Variants in CGNL1 observed in about 807,000 individuals in gnomAD.
CGNL1 encodes cingulin like 1.
Under a neutral mutation model 141.2 loss-of-function variants are expected in CGNL1, and 132 were observed. The observed-to-expected ratio is 0.93, with a 90% CI of 0.81 to 1.08. The LOEUF (loss-of-function observed/expected upper bound fraction) is 1.08, where lower values mean the gene tolerates loss of function less well. CGNL1 is among the 50% of genes least tolerant of loss of function. The pLI is 0.00. For missense variants in CGNL1, 1,870 were observed against 1,588.6 expected, an observed-to-expected ratio of 1.18 and a Z score of -3.01; for synonymous variants, 690 against 622.1, an observed-to-expected ratio of 1.11 and a Z score of -1.63.
At chr15:57,430,499 A>C (rs1312965839) in intron 1 of CGNL1, among the ~76,000 whole-genome samples, 2 of 152,246 alleles carry the variant, frequency 1.3e-5, no homozygotes, top group Non-Finnish European at 2.9e-5. Flanking sequence ...ATACAAATTA[A>C]AAAGTAAAAG....
At chr15:57,474,325 A>G (rs2063623922) in intron 8 of CGNL1, among the ~76,000 whole-genome samples, 1 of 152,170 alleles carries the variant, frequency 6.6e-6, no homozygotes, top group African/African-American at 2.4e-5. Flanking sequence ...CTGATAGAAC[A>G]TTTTGACAAA....
At chr15:57,538,235 C>G (rs2032371109) in intron 14 of CGNL1, among the ~76,000 whole-genome samples, 1 of 152,198 alleles carries the variant, frequency 6.6e-6, no homozygotes, top group South Asian at 2.1e-4. Flanking sequence ...GGTGGATTTA[C>G]TTTAGAATTT....
At chr15:57,461,326 G>A (rs2063443181) in intron 7 of CGNL1, among the ~76,000 whole-genome samples, 1 of 152,166 alleles carries the variant, frequency 6.6e-6, no homozygotes, top group African/African-American at 2.4e-5. Context: ...TGAAGCAACA[G>A]CACACACAGG....
intron 1 of CGNL1, among the ~76,000 whole-genome samples, chr15:57,388,815 A>C (rs535989672): frequency 2.0e-5 from 3 of 152,196 alleles, no homozygotes; most frequent in African/African-American, 7.2e-5. Flanking sequence ...TTTTATTTAG[A>C]CTTCCAAAAG....
intron 1 of CGNL1, among the ~76,000 whole-genome samples, chr15:57,391,686 A>C (rs1442767885): frequency 6.6e-6 from 1 of 152,254 alleles, no homozygotes; most frequent in Non-Finnish European, 1.5e-5. Flanking sequence ...TTGTTACCTC[A>C]TGTAAACAAG....
intron 8 of CGNL1, among the ~76,000 whole-genome samples, chr15:57,514,259 C>T (rs1483478213): frequency 3.3e-5 from 5 of 152,114 alleles, no homozygotes; most frequent in African/African-American, 1.2e-4. Context: ...TCAAACAATT[C>T]TCTCGCCTCA....
At chr15:57,540,463 G>A (rs528778074) in intron 14 of CGNL1, among the ~76,000 whole-genome samples, 115 of 152,254 alleles carry the variant, frequency 7.6e-4, no homozygotes, top group Non-Finnish European at 1.3e-3. Context: ...GGAAAGACCC[G>A]CCCCCGTGAT....
chr15:57,438,293 T>C lies in CGNL1; in HGVS notation c.294T>C (p.Ser98=). ...ATGGTTCTGTGCCAAAGGAGAACAG[T>C]GAAGAACTTCAGCTTCCAGAAAACC... ...SSNGSVPKEN[S]EELQLPENPY... is the part of the protein sequence containing the mutation. Residue 98 remains serine (S), a synonymous_variant, in exon 2 of 19, where the codon AGT becomes AGC. Transcript: ENST00000281282. 6.2e-7 allele frequency: 1 copy of C among 1,614,128 alleles called. No homozygotes were observed. The highest frequency in any genetic ancestry group is 8.5e-7 in the Non-Finnish European group (1 of 1,180,038).
chr15:57,394,122 T>TTTTTTA (rs2062575937), intron 1 of CGNL1: 3 of 135,852 alleles, frequency 2.2e-5, no homozygotes, highest in Non-Finnish European at 3.2e-5. Flanking sequence ...TTTTTTTTTT[T>TTTTTTA]GAGATGGAGT....
chr15:57,534,516 C>T (rs1253200476), intron 14 of CGNL1, among the ~76,000 whole-genome samples: 1 of 152,166 alleles, frequency 6.6e-6, no homozygotes, highest in East Asian at 1.9e-4. Flanking sequence ...TATTTCCTGC[C>T]TCTTGAAATG....
rs573115908 is a variant in CGNL1, at chr15:57,518,511, GC to G, written c.2715+15del. ...GAGGCTGCTCAGGTAAACACCAAGG[GC>G]TGTTGTCATTACTCCCTCAAGAAGA... On this transcript the variant is annotated intron_variant, in intron 10 of 18. Transcript: ENST00000281282. 208 of 1,567,632 alleles carry G rather than the reference GC, an allele frequency of 1.3e-4. No homozygotes were observed. In the African/African-American group the frequency reaches 2.5e-3, roughly 19 times the overall value.
chr15:57,530,831 T>A (rs1458000584), intron 13 of CGNL1, among the ~76,000 whole-genome samples: 1 of 152,254 alleles, frequency 6.6e-6, no homozygotes, highest in African/African-American at 2.4e-5. Flanking sequence ...GCCCATTGCT[T>A]GTCAATCCAC....
intron 10 of CGNL1, among the ~76,000 whole-genome samples, chr15:57,521,939 G>A (rs1202239545): frequency 3.9e-5 from 6 of 152,180 alleles, no homozygotes; most frequent in South Asian, 2.1e-4. Context: ...ACAGATTGAC[G>A]TTTTTTGGGA....
At chr15:57,530,824 C>T (rs2031910850) in intron 13 of CGNL1, among the ~76,000 whole-genome samples, 2 of 152,136 alleles carry the variant, frequency 1.3e-5, no homozygotes, top group Non-Finnish European at 2.9e-5. Flanking sequence ...TAGAGGTGCC[C>T]ATTGCTTGTC....
chr15:57,450,281 T>C (rs1164943487), intron 4 of CGNL1, among the ~76,000 whole-genome samples: 2 of 152,112 alleles, frequency 1.3e-5, no homozygotes, highest in African/African-American at 4.8e-5. Context: ...CGTTGGTTTG[T>C]CTGTTTGTTT....
intron 1 of CGNL1, among the ~76,000 whole-genome samples, chr15:57,391,123 T>C (rs1263552746): frequency 6.6e-6 from 1 of 152,144 alleles, no homozygotes; most frequent in African/African-American, 2.4e-5. Flanking sequence ...AGCTCAAAAA[T>C]GGCAGATGAG....
chr15:57,468,720 A>G (rs999394749), intron 8 of CGNL1, among the ~76,000 whole-genome samples: 1 of 152,136 alleles, frequency 6.6e-6, no homozygotes, highest in East Asian at 1.9e-4. Context: ...TGATTTGGCT[A>G]TGTCCCCACC....
chr15:57,440,257 A>T (rs1192433871), intron 2 of CGNL1, 120 bp from the exon 3 acceptor site: 1 of 710,720 alleles, frequency 1.4e-6, no homozygotes, highest in Non-Finnish European at 2.4e-6. Flanking sequence ...CCCCAAGATT[A>T]TGAAGCTGGT....
At chr15:57,478,138 C>G (rs1417338999) in intron 8 of CGNL1, 1 of 152,160 alleles carries the variant, frequency 6.6e-6, no homozygotes, top group African/African-American at 2.4e-5. Context: ...CTGTTTGCAT[C>G]CAGCAGCCAG....
Sources: allele counts gnomAD v4.1 joint callset (sites outside exome capture counted in the v4.1 genomes callset), GRCh38; gene constraint gnomAD v4.1.1; transcripts MANE v1.5; gene names NCBI Gene and HGNC (gene_info 2026-07-23, HGNC 2026-07-21).